The following ZMAT3 variants were observed in gnomAD, a reference collection of about 807,000 sequenced individuals.
ZMAT3 encodes zinc finger matrin-type 3, also known as zinc finger matrin-type protein 3.
ZMAT3 carries 17 observed loss-of-function variants against 32.3 expected under a neutral mutation model. That is an observed-to-expected ratio of 0.53 (90% CI 0.36 to 0.79). The LOEUF is 0.79. ZMAT3 is among the 30% of genes least tolerant of loss of function. ZMAT3 has a pLI of 0.00. For synonymous variants in ZMAT3, 120 were observed against 133.1 expected (o/e 0.90, Z 0.68); for missense variants, 329 against 359.7 (o/e 0.91, Z 0.69).
intron 1 of ZMAT3, among the ~76,000 whole-genome samples, chr3:179,068,628 A>C (rs1216082734): frequency 6.6e-6 from 1 of 152,216 alleles, no homozygotes; most frequent in Non-Finnish European, 1.5e-5. Flanking sequence ...CACTTATAGA[A>C]CTAGCTAAAA....
chr3:179,059,581 C>T (rs987544552), intron 2 of ZMAT3, among the ~76,000 whole-genome samples: 1 of 152,154 alleles, frequency 6.6e-6, no homozygotes, highest in Non-Finnish European at 1.5e-5. Flanking sequence ...CTTCCAGAAT[C>T]AAGGCTGTAA....
At chr3:179,044,703 A>T (rs1043572282) in intron 2 of ZMAT3, among the ~76,000 whole-genome samples, 2 of 152,156 alleles carry the variant, frequency 1.3e-5, no homozygotes, top group African/African-American at 4.8e-5. Flanking sequence ...TGCAGCCATA[A>T]AAAAGGATGA....
intron 2 of ZMAT3, among the ~76,000 whole-genome samples, chr3:179,036,221 C>A (rs892407645): frequency 6.6e-6 from 1 of 152,092 alleles, no homozygotes; most frequent in Non-Finnish European, 1.5e-5. Flanking sequence ...AGGACAAAAT[C>A]CTAGACACTA....
At position 179,023,395 on chromosome 3, in the gene ZMAT3, C is replaced by A. The variant is rs538702900; in HGVS notation, c.*1622G>T. 1.3e-5 allele frequency: 2 copies of A among 151,470 alleles called. No homozygotes were observed. Among genetic ancestry groups the A allele is most frequent in the African/African-American group, 4.8e-5 (2 of 41,252 alleles). 9.4% of individuals were successfully genotyped at this position (151,470 alleles called of 1,614,324 possible). On this transcript the variant is annotated 3_prime_UTR_variant, in exon 6 of 6. Coordinates refer to ENST00000311417, the MANE Select transcript of ZMAT3 (RefSeq NM_022470.4). ...AATTACAAAGAATAAAACCATAGTT[C>A]GTGTATATTTCTACTGGAAACGAAG...
intron 2 of ZMAT3, among the ~76,000 whole-genome samples, chr3:179,050,496 A>G (rs947042699): frequency 2.0e-5 from 3 of 152,200 alleles, no homozygotes; most frequent in Non-Finnish European, 4.4e-5. Context: ...CAAAAAAAAA[A>G]GTCCAAGACC....
chr3:179,031,702 T>A (rs1719205671), intron 2 of ZMAT3, among the ~76,000 whole-genome samples: 1 of 151,620 alleles, frequency 6.6e-6, no homozygotes, highest in African/African-American at 2.4e-5. Flanking sequence ...AGGTCAGGAG[T>A]TCGAGACCAG....
intron 2 of ZMAT3, among the ~76,000 whole-genome samples, chr3:179,057,207 C>G (rs1036432685): frequency 6.6e-6 from 1 of 152,132 alleles, no homozygotes; most frequent in Non-Finnish European, 1.5e-5. Flanking sequence ...AGAAACCCAA[C>G]AGACAGTGGA....
intron 2 of ZMAT3, among the ~76,000 whole-genome samples, chr3:179,056,919 A>C (rs969202149): frequency 5.3e-5 from 8 of 152,314 alleles, no homozygotes; most frequent in African/African-American, 1.9e-4. Context: ...GGGCCATTAT[A>C]CACCTGAACA....
chr3:179,032,447 C>T (rs1719308513), intron 2 of ZMAT3, among the ~76,000 whole-genome samples: 1 of 151,902 alleles, frequency 6.6e-6, no homozygotes, highest in Non-Finnish European at 1.5e-5. Flanking sequence ...TGAGGAGCGT[C>T]TCTGCCTGGC....
rs1718649280 is a variant in ZMAT3, at chr3:179,023,323, T to C, written c.*1694A>G. The C allele has an allele frequency of 2.0e-5, 3 of 152,092 alleles. No homozygotes were observed. The highest frequency in any genetic ancestry group is 4.8e-5 in the African/African-American group (2 of 41,430). 9.4% of individuals were successfully genotyped at this position (152,092 alleles called of 1,614,324 possible). ...TAATAATACTGATATAATTATCAGA[T>C]GCCAAAGTGATCTATCATATACTTG... On this transcript the variant is annotated 3_prime_UTR_variant, in exon 6 of 6. Coordinates refer to ENST00000311417, the MANE Select transcript of ZMAT3 (RefSeq NM_022470.4).
chr3:179,026,044 T>G (rs1373257689), intron 5 of ZMAT3, among the ~76,000 whole-genome samples: 4 of 152,210 alleles, frequency 2.6e-5, no homozygotes, highest in African/African-American at 9.6e-5. Context: ...TGTTAATATA[T>G]TTTCATTACT....
At chr3:179,070,032 CTAA>C (rs1721629962) in intron 1 of ZMAT3, among the ~76,000 whole-genome samples, 1 of 151,712 alleles carries the variant, frequency 6.6e-6, no homozygotes, top group South Asian at 2.1e-4. Flanking sequence ...GTTTAACTAC[CTAA>C]TAATAATAAT....
chr3:179,041,851 A>G (rs148078723), intron 2 of ZMAT3, among the ~76,000 whole-genome samples: 6,702 of 152,280 alleles, frequency 0.044, 236 homozygotes, highest in Non-Finnish European at 0.065. Context: ...ACTAATAAAG[A>G]AGAAAAGAGA....
intron 2 of ZMAT3, among the ~76,000 whole-genome samples, chr3:179,063,768 T>C (rs189274641): frequency 6.6e-6 from 1 of 152,346 alleles, no homozygotes; most frequent in Admixed American, 6.5e-5. Flanking sequence ...GAAAATATGT[T>C]TCTCCTCCAA....
At chr3:179,052,751 G>A (rs1462094274) in intron 2 of ZMAT3, among the ~76,000 whole-genome samples, 3 of 152,086 alleles carry the variant, frequency 2.0e-5, no homozygotes, top group Admixed American at 6.5e-5. Flanking sequence ...ATCAATCAAC[G>A]TGTGGATAAA....
In ZMAT3 at chr3:179,070,113, TG is replaced by T. The variant is rs552616764; in HGVS notation, c.-58+1481del. Among the ~76,000 whole-genome samples, 1,134 of 144,312 alleles carry T rather than the reference TG, an allele frequency of 7.9e-3. 8 individuals are homozygous for T. The highest frequency in any genetic ancestry group is 9.9e-3 in the Non-Finnish European group (644 of 65,036). 94.7% of individuals were successfully genotyped at this position (144,312 alleles called of 152,430 possible). ...TTCTGCTAGTTCATTAGTGAAAAGG[TG>T]GGGGGGGGTGTCAAAACCTCTGGAT... On this transcript the variant is annotated intron_variant, in intron 1 of 5. Coordinates refer to ENST00000311417, the MANE Select transcript of ZMAT3 (RefSeq NM_022470.4).
At chr3:179,057,026 C>T (rs1276585348) in intron 2 of ZMAT3, among the ~76,000 whole-genome samples, 1 of 152,142 alleles carries the variant, frequency 6.6e-6, no homozygotes, top group Non-Finnish European at 1.5e-5. Context: ...GCAAAGAATG[C>T]CTGTCCAGTT....
chr3:179,055,690 A>T (rs1247909486), intron 2 of ZMAT3, among the ~76,000 whole-genome samples: 1 of 152,218 alleles, frequency 6.6e-6, no homozygotes, highest in East Asian at 1.9e-4. Context: ...AGACCTAGGT[A>T]AATTCTCAGA....
chr3:179,032,235 C>T (rs928657500), intron 2 of ZMAT3, among the ~76,000 whole-genome samples: 1 of 151,728 alleles, frequency 6.6e-6, no homozygotes, highest in Non-Finnish European at 1.5e-5. Context: ...AGCTCCTGAC[C>T]GCGAGTGATC....
Sources: gnomAD v4.1 joint callset for allele counts (sites outside exome capture counted in the v4.1 genomes callset) on GRCh38, gnomAD v4.1.1 for gene constraint, MANE v1.5 for transcripts, NCBI Gene and HGNC (gene_info 2026-07-23, HGNC 2026-07-21) for gene names.